The following EEFSEC variants were observed in gnomAD, a reference collection of about 807,000 sequenced individuals.
EEFSEC encodes eukaryotic elongation factor, selenocysteine-tRNA specific.
In EEFSEC, 43 loss-of-function variants were observed where a neutral mutation model predicts 42.1. The ratio of observed to expected loss-of-function variants is 1.02; its 90% CI spans 0.80 to 1.32. The LOEUF (loss-of-function observed/expected upper bound fraction) is 1.32, where lower values mean the gene tolerates loss of function less well. EEFSEC is among the 40% of genes most tolerant of loss of function. The pLI is 0.00. For synonymous variants in EEFSEC, 354 were observed against 339.1 expected, an observed-to-expected ratio of 1.04 and a Z score of -0.48; for missense variants, 745 against 803.6, an observed-to-expected ratio of 0.93 and a Z score of 0.88.
At chr3:128,315,800 A>G (rs970679031) in intron 4 of EEFSEC, among the ~76,000 whole-genome samples, 1 of 152,206 alleles carries the variant, frequency 6.6e-6, no homozygotes, top group African/African-American at 2.4e-5. Context: ...TAACTTTTAT[A>G]TGAATTTCCT....
chr3:128,188,188 C>A (rs141901881), intron 1 of EEFSEC, among the ~76,000 whole-genome samples: 1 of 152,154 alleles, frequency 6.6e-6, no homozygotes, highest in Non-Finnish European at 1.5e-5. Flanking sequence ...AAGGCCGAAA[C>A]CCAAGTTAGG....
chr3:128,280,027 C>T (rs944090278), intron 4 of EEFSEC, among the ~76,000 whole-genome samples: 1 of 152,188 alleles, frequency 6.6e-6, no homozygotes, highest in Admixed American at 6.5e-5. Flanking sequence ...ATCAGATCCG[C>T]GAGGACAGAG....
chr3:128,394,001 G>A (rs527843215), intron 6 of EEFSEC, among the ~76,000 whole-genome samples: 3 of 152,178 alleles, frequency 2.0e-5, no homozygotes, highest in Non-Finnish European at 4.4e-5. Context: ...GGGCATTCCA[G>A]TGGGGCGGTG....
At chr3:128,348,277 CGTGTGT>C (rs772977211) in intron 5 of EEFSEC, among the ~76,000 whole-genome samples, 3 of 78,032 alleles carry the variant, frequency 3.8e-5, no homozygotes, top group South Asian at 4.6e-4. Flanking sequence ...TGTGCGTGTG[CGTGTGT>C]GTGTGTGTGC....
intron 4 of EEFSEC, among the ~76,000 whole-genome samples, chr3:128,316,569 T>C (rs945594683): frequency 2.6e-5 from 4 of 152,136 alleles, no homozygotes; most frequent in Non-Finnish European, 2.9e-5. Context: ...CATCTCAGCA[T>C]GTGTGAAGTG....
chr3:128,211,820 A>G (rs1310451277), intron 1 of EEFSEC, among the ~76,000 whole-genome samples: 1 of 149,428 alleles, frequency 6.7e-6, no homozygotes, highest in Non-Finnish European at 1.5e-5. Flanking sequence ...CTGGCAAGAA[A>G]TACATATACT....
At chr3:128,313,332 A>G (rs1044596991) in intron 4 of EEFSEC, among the ~76,000 whole-genome samples, 2 of 152,220 alleles carry the variant, frequency 1.3e-5, no homozygotes, top group African/African-American at 4.8e-5. Flanking sequence ...GGAAGGGTTT[A>G]TCCTCCTGGC....
chr3:128,260,107 A>G (rs929361025), intron 2 of EEFSEC, among the ~76,000 whole-genome samples: 7 of 151,830 alleles, frequency 4.6e-5, no homozygotes, highest in African/African-American at 7.2e-5. Flanking sequence ...TTTACTGCAT[A>G]TAAAATTCTT....
intron 4 of EEFSEC, among the ~76,000 whole-genome samples, chr3:128,289,060 G>T (rs1005365516): frequency 6.6e-6 from 1 of 152,192 alleles, no homozygotes; most frequent in African/African-American, 2.4e-5. Context: ...ATATGTACCA[G>T]CTTCCTCGCC....
chr3:128,289,802 T>C (rs2066624130), intron 4 of EEFSEC, among the ~76,000 whole-genome samples: 1 of 152,242 alleles, frequency 6.6e-6, no homozygotes, highest in South Asian at 2.1e-4. Context: ...GACATCTGTC[T>C]CATTGCTGTG....
chr3:128,300,924 T>G (rs1182112547), intron 4 of EEFSEC, among the ~76,000 whole-genome samples: 6 of 152,028 alleles, frequency 3.9e-5, no homozygotes, highest in Non-Finnish European at 7.4e-5. Context: ...GGGTATTTTT[T>G]TTTGCATGTT....
At chr3:128,284,699 T>C (rs1210960094) in intron 4 of EEFSEC, among the ~76,000 whole-genome samples, 1 of 152,202 alleles carries the variant, frequency 6.6e-6, no homozygotes, top group Non-Finnish European at 1.5e-5. Flanking sequence ...ATGTCCATCA[T>C]GGACTATAGT....
At chr3:128,360,173 T>G (rs1048802855) in intron 6 of EEFSEC, among the ~76,000 whole-genome samples, 20 of 152,346 alleles carry the variant, frequency 1.3e-4, no homozygotes, top group African/African-American at 4.6e-4. Flanking sequence ...TTCTCCATAG[T>G]GGCTCTGAGT....
At chr3:128,348,598 G>T (rs11721213) in intron 5 of EEFSEC, among the ~76,000 whole-genome samples, 25,290 of 151,920 alleles carry the variant, frequency 0.17, 2,709 homozygotes, top group African/African-American at 0.31. Flanking sequence ...TTTTTTGCAT[G>T]GTATGTACTT....
intron 5 of EEFSEC, among the ~76,000 whole-genome samples, chr3:128,349,482 C>T (rs2067357084): frequency 6.6e-6 from 1 of 152,190 alleles, no homozygotes; most frequent in East Asian, 1.9e-4. Flanking sequence ...CATGACTTTT[C>T]AGGACTGTGT....
intron 1 of EEFSEC, among the ~76,000 whole-genome samples, chr3:128,175,187 C>T (rs892921403): frequency 6.6e-6 from 1 of 151,648 alleles, no homozygotes; most frequent in Admixed American, 6.6e-5. Flanking sequence ...TGCTGCAAAC[C>T]CCCCCTTTTC....
chr3:128,247,319 A>C (rs2066138513), intron 2 of EEFSEC, among the ~76,000 whole-genome samples: 1 of 152,248 alleles, frequency 6.6e-6, no homozygotes, highest in East Asian at 1.9e-4. Flanking sequence ...GAGAAGGAGC[A>C]CAGGGACTCT....
intron 6 of EEFSEC, among the ~76,000 whole-genome samples, chr3:128,397,114 G>A (rs1033658432): frequency 6.6e-6 from 1 of 152,252 alleles, no homozygotes; most frequent in African/African-American, 2.4e-5. Context: ...GGGCCTGGGA[G>A]ATGCTGGGTG....
chr3:128,313,264 G>A (rs1234296133), intron 4 of EEFSEC, among the ~76,000 whole-genome samples: 1 of 152,228 alleles, frequency 6.6e-6, no homozygotes, highest in Non-Finnish European at 1.5e-5. Context: ...CCAGGAAAAG[G>A]GCAGTTGTCT....
Sources: allele counts gnomAD v4.1 joint callset (sites outside exome capture counted in the v4.1 genomes callset), GRCh38; gene constraint gnomAD v4.1.1; transcripts MANE v1.5; gene names NCBI Gene and HGNC (gene_info 2026-07-23, HGNC 2026-07-21).